The following UBE2R2 variants were observed in gnomAD, a reference collection of about 807,000 sequenced individuals.
The protein encoded by UBE2R2 is ubiquitin-conjugating enzyme E2 R2.
Under a neutral mutation model 27.8 loss-of-function variants are expected in UBE2R2, and 1 was observed. That is an observed-to-expected ratio of 0.04 (90% CI 0.01 to 0.17). UBE2R2 has a LOEUF of 0.17. UBE2R2 is among the 10% of genes least tolerant of loss of function. The pLI is 1.00. For synonymous variants in UBE2R2, 106 were observed against 113.3 expected, an observed-to-expected ratio of 0.94 and a Z score of 0.41; for missense variants, 100 against 291.0, an observed-to-expected ratio of 0.34 and a Z score of 4.78.
At chr9:33,904,789 G>C (rs1822317267) in intron 3 of UBE2R2, among the ~76,000 whole-genome samples, 1 of 152,184 alleles carries the variant, frequency 6.6e-6, no homozygotes, top group South Asian at 2.1e-4. Context: ...CCTCCTCCCA[G>C]AGGCCCAGGA....
At chr9:33,903,603 T>TA (rs1336746135) in intron 3 of UBE2R2, among the ~76,000 whole-genome samples, 1 of 152,224 alleles carries the variant, frequency 6.6e-6, no homozygotes, top group East Asian at 1.9e-4. Flanking sequence ...TATCTCAGCT[T>TA]AAAGTATTAT....
At chr9:33,905,176 T>C (rs1209979672) in intron 3 of UBE2R2, among the ~76,000 whole-genome samples, 1 of 152,226 alleles carries the variant, frequency 6.6e-6, no homozygotes, top group Non-Finnish European at 1.5e-5. Context: ...CATAATGTTT[T>C]CTTTTTCAAT....
At position 33,891,411 on chromosome 9, in the gene UBE2R2, C is replaced by T. The variant is rs150191489; in HGVS notation, c.264+4444C>T. On this transcript the variant is annotated intron_variant, in intron 2 of 4. Coordinates refer to ENST00000263228, the MANE Select transcript of UBE2R2 (RefSeq NM_017811.4). ...CTGTAATCCTAACACTTTGGGAGGC[C>T]GAGGTAGGCGGACCACTTGAGGCCA... is the stretch of plus-strand genomic sequence containing the variant. Among the ~76,000 whole-genome samples the T allele has an allele frequency of 8.4e-3, 1,266 of 151,506 alleles. 15 individuals carry two copies. Among genetic ancestry groups the T allele is most frequent in the African/African-American group, 0.028 (1,163 of 41,380 alleles).
intron 2 of UBE2R2, among the ~76,000 whole-genome samples, chr9:33,890,066 A>G (rs553882939): frequency 6.6e-6 from 1 of 152,330 alleles, no homozygotes; most frequent in East Asian, 1.9e-4. Flanking sequence ...AGAAACAGAA[A>G]AATAGGATAA....
In UBE2R2 at chr9:33,901,031, C is replaced by T. The variant is rs140369483; in HGVS notation, c.362+760C>T. Among the ~76,000 whole-genome samples, 102 of 152,300 alleles carry T rather than the reference C, an allele frequency of 6.7e-4. No individual in the cohort carries two copies. The East Asian group carries it at 0.019, about 28-fold the overall frequency. On this transcript the variant is annotated intron_variant, in intron 3 of 4. Transcript: ENST00000263228. Reference sequence around the variant, plus strand: ...TGTGCAGCGGTGTGATCACAGGTCACTGCAGCCTCGACCTCCTGGGCTCAA... The same window carrying T: ...TGTGCAGCGGTGTGATCACAGGTCATTGCAGCCTCGACCTCCTGGGCTCAA...
chr9:33,860,089 G>A (rs529986420), intron 1 of UBE2R2, among the ~76,000 whole-genome samples: 1 of 144,940 alleles, frequency 6.9e-6, no homozygotes. Flanking sequence ...TTACAGGTGT[G>A]AGCCACCTTG....
intron 1 of UBE2R2, among the ~76,000 whole-genome samples, chr9:33,885,436 A>T (rs1821834460): frequency 6.6e-6 from 1 of 152,242 alleles, no homozygotes; most frequent in Non-Finnish European, 1.5e-5. Flanking sequence ...CTGCCAGGGA[A>T]AATGTTTTCA....
chr9:33,837,423 T>C (rs79647505), intron 1 of UBE2R2, among the ~76,000 whole-genome samples: 6 of 148,018 alleles, frequency 4.1e-5, no homozygotes, highest in Middle Eastern at 3.5e-3. Flanking sequence ...GCTGCTTCTT[T>C]TTTTTTTTTT....
chr9:33,898,134 G>A (rs143959146), intron 2 of UBE2R2, among the ~76,000 whole-genome samples: 6,857 of 152,056 alleles, frequency 0.045, 218 homozygotes, highest in Non-Finnish European at 0.068. Context: ...CGCCCAGGCT[G>A]GAGTGCAGTG....
chr9:33,886,062 A>G (rs1235264431), intron 1 of UBE2R2, among the ~76,000 whole-genome samples: 1 of 152,232 alleles, frequency 6.6e-6, no homozygotes, highest in African/African-American at 2.4e-5. Context: ...AAATGTTTAC[A>G]ATGTGATACA....
At chr9:33,831,746 G>T (rs1206808423) in intron 1 of UBE2R2, among the ~76,000 whole-genome samples, 1 of 151,946 alleles carries the variant, frequency 6.6e-6, no homozygotes. Context: ...TGCAAGTTTC[G>T]CTTCCCAGGT....
At chr9:33,870,687 ACTC>A (rs1563995273) in intron 1 of UBE2R2, among the ~76,000 whole-genome samples, 2 of 152,006 alleles carry the variant, frequency 1.3e-5, no homozygotes, top group East Asian at 1.9e-4. Flanking sequence ...AAAATTATCT[ACTC>A]CTCAATAAAT....
intron 4 of UBE2R2, among the ~76,000 whole-genome samples, chr9:33,912,709 A>C (rs1014074929): frequency 1.3e-5 from 2 of 152,054 alleles, no homozygotes; most frequent in African/African-American, 4.8e-5. Flanking sequence ...GGAAATCCTC[A>C]TTATCAGCAA....
chr9:33,826,203 G>T (rs1253206438), intron 1 of UBE2R2, among the ~76,000 whole-genome samples: 2 of 151,476 alleles, frequency 1.3e-5, no homozygotes, highest in Admixed American at 6.6e-5. Context: ...CTCTTTGATT[G>T]TGTTAATATC....
intron 1 of UBE2R2, among the ~76,000 whole-genome samples, chr9:33,883,497 C>T (rs982331768): frequency 1.3e-5 from 2 of 151,892 alleles, no homozygotes; most frequent in African/African-American, 4.8e-5. Context: ...AGGCAGATCA[C>T]GAGGTCAAGA....
chr9:33,817,821 G>C lies in UBE2R2; in HGVS notation c.64G>C (p.Glu22Gln), dbSNP rs1192179319. 6.2e-7 allele frequency: 1 copy of C among 1,612,950 alleles called. No individual in the cohort carries two copies. Among genetic ancestry groups the C allele is most frequent in the Non-Finnish European group, 8.5e-7 (1 of 1,179,458 alleles). The change falls in exon 1 of 5, where the codon GAG becomes CAG. Residue 22 changes from glutamate (E) to glutamine (Q), a missense_variant. Coordinates refer to ENST00000263228, the MANE Select transcript of UBE2R2 (RefSeq NM_017811.4). ...ALMLELKSLQEEPVEGFRITL... is the reference protein window; with the variant it reads ...ALMLELKSLQQEPVEGFRITL... ...GATGCTCGAGCTGAAATCCCTGCAG[G>C]AGGAACCGGTGGAGGGCTTCCGGAT...
intron 1 of UBE2R2, among the ~76,000 whole-genome samples, chr9:33,877,823 G>GTCTGTCTGTC: frequency 1.7e-4 from 22 of 131,048 alleles, no homozygotes; most frequent in African/African-American, 5.3e-4. Flanking sequence ...CTGTCTGTCT[G>GTCTGTCTGTC]TCTCTCTCTC....
intron 1 of UBE2R2, among the ~76,000 whole-genome samples, chr9:33,871,213 T>G (rs1821477882): frequency 1.3e-5 from 2 of 152,232 alleles, no homozygotes; most frequent in Admixed American, 6.5e-5. Context: ...GTCTTTTAAT[T>G]AAAACATAGC....
chr9:33,824,623 A>G (rs1161402534), intron 1 of UBE2R2, among the ~76,000 whole-genome samples: 3 of 148,918 alleles, frequency 2.0e-5, no homozygotes, highest in African/African-American at 5.0e-5. Context: ...TGGGCGAGAG[A>G]GCGAGGCTCT....
Sources: gnomAD v4.1 joint callset for allele counts (sites outside exome capture counted in the v4.1 genomes callset) on GRCh38, gnomAD v4.1.1 for gene constraint, MANE v1.5 for transcripts, NCBI Gene and HGNC (gene_info 2026-07-23, HGNC 2026-07-21) for gene names.